HUWE1: variants seen among roughly 807,000 people sequenced by gnomAD.
HUWE1 encodes the protein E3 ubiquitin-protein ligase HUWE1.
HUWE1 carries 18 observed loss-of-function variants against 299.4 expected under a neutral mutation model. The ratio of observed to expected loss-of-function variants is 0.06; its 90% CI spans 0.04 to 0.09. The LOEUF (loss-of-function observed/expected upper bound fraction) is 0.09, where lower values mean the gene tolerates loss of function less well. Among genes scored for constraint, HUWE1 ranks in the 10% least tolerant of loss-of-function variants. The pLI is 1.00. For missense variants in HUWE1, 1,832 were observed against 3,462.3 expected (o/e 0.53, Z 11.82); for synonymous variants, 1,317 against 1,286.1 (o/e 1.02, Z -0.51).
chrX:53,547,838 A>G lies in HUWE1; in HGVS notation c.10471T>C (p.Ser3491Pro), dbSNP rs368366115. 1 of 1,200,166 alleles carries G rather than the reference A, an allele frequency of 8.3e-7. No individual in the cohort carries two copies. The highest frequency in any genetic ancestry group is 1.7e-5 in the African/African-American group (1 of 57,433). ...GAGGCGGCAGTGGTGGTGGTGGTAG[A>G]TGTGGTTGAGGTGGCAGTGGTGGTG... Reference protein sequence around the residue: ...SSTTTATSTTSTTTTTAASTT... With the variant: ...SSTTTATSTTPTTTTTAASTT... Residue 3491 changes from serine to proline, a missense_variant, in exon 68 of 84, where the codon TCT (serine) becomes CCT (proline). Transcript: ENST00000262854.
chrX:53,682,446 C>A (rs1377859992), intron 2 of HUWE1, among the ~76,000 whole-genome samples: 1 of 111,254 alleles, frequency 9.0e-6, no homozygotes, highest in Non-Finnish European at 1.9e-5. Context: ...CAATGCTGAA[C>A]ATGTAATCTA....
At chrX:53,625,873 GGCCGGGGCCAGGGCCGGT>G (rs782710460) in intron 17 of HUWE1, 26 of 287,474 alleles carry the variant, frequency 9.0e-5, no homozygotes, top group South Asian at 2.2e-4. Context: ...CCGGGGCCGG[GGCCGGGGCCAGGGCCGGT>G]GCCGGGGCCG....
At chrX:53,590,024 C>G (rs928390423) in intron 35 of HUWE1, among the ~76,000 whole-genome samples, 6 of 112,105 alleles carry the variant, frequency 5.4e-5, no homozygotes, top group African/African-American at 1.9e-4. Flanking sequence ...ACAACTTTCA[C>G]TGTCAAGTCA....
intron 70 of HUWE1, among the ~76,000 whole-genome samples, chrX:53,546,055 A>T (rs2061526720): frequency 8.9e-6 from 1 of 112,001 alleles, no homozygotes; most frequent in Non-Finnish European, 1.9e-5. Flanking sequence ...GTAATTCCTG[A>T]GGCTGAATGC....
intron 58 of HUWE1, 78 bp downstream of exon 58, chrX:53,558,893 C>T (rs1181681648): frequency 2.5e-6 from 3 of 1,177,395 alleles, no homozygotes; most frequent in African/African-American, 3.5e-5. Flanking sequence ...CCACAGAGAA[C>T]CAGGGAAACA....
chrX:53,640,746 T>A (rs1557030292), intron 7 of HUWE1, among the ~76,000 whole-genome samples: 1 of 112,012 alleles, frequency 8.9e-6, no homozygotes, highest in African/African-American at 3.2e-5. Flanking sequence ...GTCCTTTCTG[T>A]GGTAAAATCA....
chrX:53,613,592 A>C (rs184292106), intron 23 of HUWE1, among the ~76,000 whole-genome samples: 1 of 111,807 alleles, frequency 8.9e-6, no homozygotes, highest in African/African-American at 3.3e-5. Context: ...AATACTGCTC[A>C]AAGAGCCTGG....
At chrX:53,654,287 A>G (rs1307466177) in intron 3 of HUWE1, among the ~76,000 whole-genome samples, 156 bp from the exon 4 acceptor site, 2 of 112,237 alleles carry the variant, frequency 1.8e-5, no homozygotes. Context: ...AGGCACAGCT[A>G]TCAGGTAGAG....
At position 53,633,399 on chromosome X, in the gene HUWE1, G is replaced by C. The variant is rs781988043; in HGVS notation, c.568-835C>G. Reference sequence around the variant, plus strand: ...ATTCCAAACTCTGAATATACTTCAAGATTTATGTAGTTTTGATTATTAAAC... The same window carrying C: ...ATTCCAAACTCTGAATATACTTCAACATTTATGTAGTTTTGATTATTAAAC... On this transcript the variant is annotated intron_variant, in intron 8 of 83. Transcript: ENST00000262854. 1.2e-4 allele frequency among the ~76,000 whole-genome samples: 13 copies of C among 112,288 alleles called. No individual in the cohort carries two copies. The South Asian group carries it at 2.2e-3, about 19-fold the overall frequency.
intron 38 of HUWE1, 63 bp from the exon 39 acceptor site, chrX:53,586,634 T>C (rs2063873331): frequency 3.7e-6 from 4 of 1,084,620 alleles, no homozygotes; most frequent in Middle Eastern, 2.6e-4. Flanking sequence ...GGAAAATATA[T>C]CTTAATTTCA....
intron 83 of HUWE1, 115 bp downstream of exon 83, chrX:53,533,892 C>G: frequency 1.4e-6 from 1 of 715,873 alleles, no homozygotes. Flanking sequence ...GTGAGTTACC[C>G]AAGGTCCAGG....
chrX:53,682,151 T>G (rs2070193845), intron 2 of HUWE1, among the ~76,000 whole-genome samples: 1 of 112,501 alleles, frequency 8.9e-6, no homozygotes, highest in African/African-American at 3.2e-5. Flanking sequence ...AATGCATTCT[T>G]ACACCAAAAA....
intron 43 of HUWE1, among the ~76,000 whole-genome samples, chrX:53,577,801 G>A (rs1428106892): frequency 0.044 from 3,176 of 72,516 alleles, no homozygotes; most frequent in Non-Finnish European, 0.057. Flanking sequence ...CGGGATTGCA[G>A]ACGGAGTCTC....
At chrX:53,569,489 C>T (rs1033906732) in intron 48 of HUWE1, 127 bp downstream of exon 48, 19 of 603,961 alleles carry the variant, frequency 3.1e-5, no homozygotes, top group South Asian at 1.9e-4. Flanking sequence ...ACTATTTGAG[C>T]GGACCAGAGA....
chrX:53,632,559 AT>A lies in HUWE1; in HGVS notation c.572del (p.Tyr191PhefsTer36). 8.4e-7 allele frequency: 1 copy of A among 1,186,484 alleles called. No homozygotes were observed. Among genetic ancestry groups the A allele is most frequent in the Non-Finnish European group, 1.1e-6 (1 of 872,415 alleles). ...ECCRDLHMMK[Y>X]PPSATTLHFE... ...AGTGTAGTGTAGTTGCACTGGGTGG[AT>A]ATTTCTGTGTATAAAGCACATCAAA... On this transcript the variant is annotated frameshift_variant, in exon 9 of 84. Transcript: ENST00000262854. LOFTEE classifies it high-confidence loss of function.
rs782484172 is a variant in HUWE1, at chrX:53,554,780, C to T, written c.8347G>A (p.Val2783Ile). 4 of 1,211,481 alleles carry T rather than the reference C, an allele frequency of 3.3e-6. No individual in the cohort carries two copies. In the South Asian group the frequency reaches 5.3e-5, roughly 16 times the overall value. Residue 2783 changes from valine (V) to isoleucine (I), a missense_variant, in exon 61 of 84, where the codon GTT becomes ATT. By Grantham distance (29) the Val-to-Ile change is conservative (BLOSUM62 3). Around this residue, in one of 15 missense-constraint regions of HUWE1, gnomAD observed 143 missense variants for 148.1 expected, o/e 0.97. Coordinates refer to ENST00000262854, the MANE Select transcript of HUWE1 (RefSeq NM_031407.7). ...GCTGGAGACTGCAGCTCCTGAGGAACCTCTCCCAAAGCTGGTGGGGTTGGG... is the reference window on the plus strand; with the variant it reads ...GCTGGAGACTGCAGCTCCTGAGGAATCTCTCCCAAAGCTGGTGGGGTTGGG... Reference protein sequence around the residue: ...TLPTPPALGEVPQELQSPAGE... With the variant: ...TLPTPPALGEIPQELQSPAGE...
chrX:53,542,134 C>G (rs1478665890), intron 74 of HUWE1, among the ~76,000 whole-genome samples: 2 of 112,012 alleles, frequency 1.8e-5, no homozygotes, highest in Non-Finnish European at 3.8e-5. Context: ...AGTGAGCAGA[C>G]ATCGTGCCAC....
chrX:53,533,255 C>T lies in HUWE1; in HGVS notation c.*54G>A, dbSNP rs782366852. ...TTCTGGTTCTTTTTTTAACTCCCCCCTCCCCAGGTCCAACAATGGTAAAAA... is the reference window on the plus strand; with the variant it reads ...TTCTGGTTCTTTTTTTAACTCCCCCTTCCCCAGGTCCAACAATGGTAAAAA... On this transcript the variant is annotated 3_prime_UTR_variant, in exon 84 of 84. Coordinates refer to ENST00000262854, the MANE Select transcript of HUWE1 (RefSeq NM_031407.7). 53 of 768,398 alleles carry T rather than the reference C, an allele frequency of 6.9e-5. No individual in the cohort carries two copies. The highest frequency in any genetic ancestry group is 2.8e-4 in the Middle Eastern group (1 of 3,591). The allele number at this position is 768,398 out of a possible 1,213,427, so 63.3% of individuals were successfully genotyped here.
rs1209002317 is a variant in HUWE1 at position 53,575,195 on chromosome X, G to A, written c.6057C>T (p.Ala2019=). Residue 2019 remains alanine (A), a synonymous_variant, in exon 46 of 84, where the codon GCC becomes GCT. Coordinates refer to ENST00000262854, the MANE Select transcript of HUWE1 (RefSeq NM_031407.7). ...INSQVFAADG[A]STETSASGTS... is the part of the protein sequence containing the mutation. ...TCCCAGATGCGGAAGTCTCAGTGGA[G>A]GCACCATCTGCAGCAAAGACCTGAC... The A allele has an allele frequency of 5.0e-6, 6 of 1,204,486 alleles. No individual in the cohort carries two copies. Among genetic ancestry groups the A allele is most frequent in the African/African-American group, 1.8e-5 (1 of 57,102 alleles).
Sources: gnomAD v4.1 joint callset for allele counts (sites outside exome capture counted in the v4.1 genomes callset) on GRCh38, gnomAD v4.1.1 for gene constraint, gnomAD v4.1.1 regional missense constraint, MANE v1.5 for transcripts, NCBI Gene and HGNC (gene_info 2026-07-23, HGNC 2026-07-21) for gene names.